CRCP: variants seen among roughly 807,000 people sequenced by gnomAD.
CRCP encodes the protein CGRP receptor component.
In CRCP, 18 loss-of-function variants were observed where a neutral mutation model predicts 18.5. The ratio of observed to expected loss-of-function variants is 0.97; its 90% CI spans 0.67 to 1.44. The LOEUF is 1.44. Ranked by LOEUF, CRCP falls within the 40% of genes most tolerant of loss-of-function variation. CRCP has a pLI of 0.00. For synonymous variants in CRCP, 53 were observed against 62.9 expected (o/e 0.84, Z 0.75); for missense variants, 130 against 176.4 (o/e 0.74, Z 1.49).
chr7:66,127,460 A>G (rs1787649121), intron 1 of CRCP, among the ~76,000 whole-genome samples: 1 of 152,184 alleles, frequency 6.6e-6, no homozygotes, highest in South Asian at 2.1e-4. Flanking sequence ...TGGGAGGCAG[A>G]TAGTAATGGG....
intron 5 of CRCP, among the ~76,000 whole-genome samples, chr7:66,148,801 A>AT (rs1788372965): frequency 1.3e-5 from 2 of 152,212 alleles, no homozygotes; most frequent in Non-Finnish European, 2.9e-5. Flanking sequence ...GTCTTGACTC[A>AT]TATAGAGCGT....
upstream of CRCP, chr7:66,114,840 C>T (rs756844850): frequency 6.9e-6 from 11 of 1,593,750 alleles, no homozygotes; most frequent in Non-Finnish European, 9.4e-6. Flanking sequence ...TGCAGCGCGG[C>T]GATCCCGGCG....
intron 1 of CRCP, chr7:66,119,584 G>A (rs1787371072): frequency 6.6e-6 from 1 of 152,138 alleles, no homozygotes; most frequent in South Asian, 2.1e-4. Context: ...GAAATGAATT[G>A]GATTGGAGGG....
intron 5 of CRCP, among the ~76,000 whole-genome samples, chr7:66,149,800 C>T (rs1026156146): frequency 1.3e-5 from 2 of 152,068 alleles, no homozygotes; most frequent in East Asian, 1.9e-4. Context: ...CATTATCCCT[C>T]ACCCCCACCT....
chr7:66,120,489 T>C (rs1486701334), intron 1 of CRCP: 7 of 151,912 alleles, frequency 4.6e-5, no homozygotes, highest in African/African-American at 9.7e-5. Flanking sequence ...GAGATAGACA[T>C]GTGATTTGGG....
intron 1 of CRCP, among the ~76,000 whole-genome samples, chr7:66,127,422 C>T (rs1227321553): frequency 6.6e-6 from 1 of 152,136 alleles, no homozygotes; most frequent in Non-Finnish European, 1.5e-5. Flanking sequence ...AGCAGGAGGA[C>T]GTGGCAGCCC....
rs1273529032 is a variant in CRCP, at chr7:66,153,311, T to C, written c.*954T>C. 2.6e-5 allele frequency: 4 copies of C among 152,040 alleles called. No individual in the cohort carries two copies. Among genetic ancestry groups the C allele is most frequent in the Non-Finnish European group, 5.9e-5 (4 of 68,034 alleles). The allele number at this position is 152,040 out of a possible 1,614,324, so 9.4% of individuals were successfully genotyped here. Reference sequence around the variant, plus strand: ...AAAATTAACCAGGGGTGATGGCACATTCCTGTAATCCCAGCTACTCGGGAG... The same window carrying C: ...AAAATTAACCAGGGGTGATGGCACACTCCTGTAATCCCAGCTACTCGGGAG... On this transcript the variant is annotated 3_prime_UTR_variant, in exon 6 of 6. Coordinates refer to ENST00000395326, the MANE Select transcript of CRCP (RefSeq NM_014478.5).
intron 3 of CRCP, among the ~76,000 whole-genome samples, chr7:66,133,393 A>G (rs1321572981): frequency 3.3e-5 from 5 of 152,036 alleles, no homozygotes; most frequent in Admixed American, 3.3e-4. Flanking sequence ...CTGTAGTCCC[A>G]GCTACTTGGG....
In CRCP at chr7:66,145,463, T is replaced by C. The variant is rs1788266138; in HGVS notation, c.260T>C (p.Leu87Pro). 1 of 1,613,964 alleles carries C rather than the reference T, an allele frequency of 6.2e-7. No individual in the cohort carries two copies. The highest frequency in any genetic ancestry group is 1.3e-5 in the African/African-American group (1 of 75,052). Residue 87 changes from leucine to proline, a missense_variant, in exon 5 of 6, where the codon CTG becomes CCG. Leu to Pro is a moderately conservative substitution (Grantham distance 98). Coordinates refer to ENST00000395326, the MANE Select transcript of CRCP (RefSeq NM_014478.5). ...CACAGAGCTGAGAAGCTCCAGCTGC[T>C]GAACCACCGGCCTGTGACTGCTGTG... Reference protein sequence around the residue: ...KLTKAEKLQLLNHRPVTAVEI... With the variant: ...KLTKAEKLQLPNHRPVTAVEI...
chr7:66,140,832 C>G (rs367874706), intron 4 of CRCP, among the ~76,000 whole-genome samples: 1 of 152,206 alleles, frequency 6.6e-6, no homozygotes, highest in East Asian at 1.9e-4. Context: ...CTTCCTAAGC[C>G]CAACATCTTT....
At chr7:66,151,752 C>CTCTTTT (rs1788480097) in intron 5 of CRCP, among the ~76,000 whole-genome samples, 1 of 38,308 alleles carries the variant, frequency 2.6e-5, no homozygotes, top group Non-Finnish European at 5.6e-5. Flanking sequence ...TTTTTCTTTT[C>CTCTTTT]TTTTTTTTTT....
chr7:66,133,364 C>T (rs1049858979), intron 3 of CRCP, among the ~76,000 whole-genome samples: 1 of 151,838 alleles, frequency 6.6e-6, no homozygotes, highest in Admixed American at 6.6e-5. Context: ...AGAAATTAGC[C>T]GGGCGTGGTG....
chr7:66,145,606 C>A, intron 5 of CRCP, 106 bp downstream of exon 5: 1 of 1,149,656 alleles, frequency 8.7e-7, no homozygotes, highest in Non-Finnish European at 1.3e-6. Flanking sequence ...GCTGCCCAAC[C>A]ACTCCATTTC....
At chr7:66,145,766 A>C (rs1788274045) in intron 5 of CRCP, among the ~76,000 whole-genome samples, 2 of 152,204 alleles carry the variant, frequency 1.3e-5, no homozygotes, top group South Asian at 4.1e-4. Context: ...CATTCTGGCC[A>C]TTGCTTCCCT....
In CRCP at chr7:66,122,765, T is replaced by G. The variant is rs543371319; in HGVS notation, c.9-4939T>G. Reference sequence around the variant, plus strand: ...CAGTTCGGGAGACTGGATCAAGGTGTAGCAGGTTTGGTTTCTTTTGAGGCC... The same window carrying G: ...CAGTTCGGGAGACTGGATCAAGGTGGAGCAGGTTTGGTTTCTTTTGAGGCC... On this transcript the variant is annotated intron_variant, in intron 1 of 5. Transcript: ENST00000395326. Among the ~76,000 whole-genome samples the G allele has an allele frequency of 3.9e-5, 6 of 152,228 alleles. No individual in the cohort carries two copies. In the East Asian group the frequency reaches 1.2e-3, roughly 29 times the overall value.
intron 1 of CRCP, among the ~76,000 whole-genome samples, chr7:66,124,048 A>T (rs1787539331): frequency 5.9e-5 from 1 of 17,002 alleles, no homozygotes; most frequent in Non-Finnish European, 1.1e-4. Context: ...CCGTCTCAAA[A>T]AAAAAAAAAA....
chr7:66,132,462 A>G (rs1318536250), intron 3 of CRCP, among the ~76,000 whole-genome samples: 1 of 152,188 alleles, frequency 6.6e-6, no homozygotes, highest in Non-Finnish European at 1.5e-5. Flanking sequence ...GAGGAAGAGT[A>G]CCACAGAGGT....
Position 66,114,884 on chromosome 7 carries a change from C to T in CRCP, c.-79C>T, listed in dbSNP as rs745436581. On this transcript the variant is annotated 5_prime_UTR_variant, in exon 1 of 6. Transcript: ENST00000395326. ...GGCGCGCGGAGCTGGCACCTTGGCG[C>T]TGTTGGTGGCGGCGGAGACAGCTGT... 2.5e-6 allele frequency: 4 copies of T among 1,608,772 alleles called. No homozygotes were observed. The South Asian group carries it at 4.4e-5, about 18-fold the overall frequency.
chr7:66,144,837 T>C (rs116923506), intron 4 of CRCP, among the ~76,000 whole-genome samples: 3,808 of 152,196 alleles, frequency 0.025, 84 homozygotes, highest in Middle Eastern at 0.075. Context: ...ATTATTTTCT[T>C]CACATTTTCC....
Sources: allele counts gnomAD v4.1 joint callset (sites outside exome capture counted in the v4.1 genomes callset), GRCh38; gene constraint gnomAD v4.1.1; transcripts MANE v1.5; gene names NCBI Gene and HGNC (gene_info 2026-07-23, HGNC 2026-07-21).